Variants in TRDN observed in about 807,000 individuals in gnomAD.
The protein encoded by TRDN is triadin.
Under a neutral mutation model 149.7 loss-of-function variants are expected in TRDN, and 161 were observed. That is an observed-to-expected ratio of 1.08 (90% CI 0.95 to 1.23). The LOEUF (loss-of-function observed/expected upper bound fraction) is 1.23. TRDN is among the 50% of genes most tolerant of loss of function. TRDN has a pLI of 0.00. For missense variants in TRDN, 896 were observed against 823.5 expected (o/e 1.09, Z -1.08); for synonymous variants, 294 against 250.5 (o/e 1.17, Z -1.64).
At chr6:123,220,653 T>C (rs1396785316) in intron 40 of TRDN, among the ~76,000 whole-genome samples, 2 of 151,802 alleles carry the variant, frequency 1.3e-5, no homozygotes, top group East Asian at 3.9e-4. Flanking sequence ...ATCTGTCTAA[T>C]GAATCACCTA....
At chr6:123,627,512 G>C (rs1156351218) in intron 1 of TRDN, among the ~76,000 whole-genome samples, 2 of 152,092 alleles carry the variant, frequency 1.3e-5, no homozygotes, top group Non-Finnish European at 2.9e-5. Flanking sequence ...ATAGAGCACA[G>C]GCAAAGTAAA....
intron 5 of TRDN, chr6:123,529,225 A>G: frequency 6.5e-7 from 1 of 1,548,704 alleles, no homozygotes; most frequent in Non-Finnish European, 8.7e-7. Flanking sequence ...CCTTCAGCAG[A>G]TAGAAACACA....
At chr6:123,242,089 C>T (rs1230535745) in intron 38 of TRDN, among the ~76,000 whole-genome samples, 1 of 152,122 alleles carries the variant, frequency 6.6e-6, no homozygotes, top group Non-Finnish European at 1.5e-5. Context: ...AAATATCTTG[C>T]CAGGGCCATC....
intron 7 of TRDN, among the ~76,000 whole-genome samples, chr6:123,511,160 T>C (rs1168618557): frequency 6.6e-6 from 1 of 152,184 alleles, no homozygotes; most frequent in East Asian, 1.9e-4. Context: ...TTTTTGTATA[T>C]GGTGAGAGAT....
In TRDN at chr6:123,530,851, G is replaced by T. The variant is rs1780212055; in HGVS notation, c.425-286C>A. Reference sequence around the variant, plus strand: ...GTCACCATTTTCAGTGCTAAAATTGGTCACAAACTATAATTATTTTTATTT... The same window carrying T: ...GTCACCATTTTCAGTGCTAAAATTGTTCACAAACTATAATTATTTTTATTT... On this transcript the variant is annotated intron_variant, in intron 4 of 40. Coordinates refer to ENST00000334268, the MANE Select transcript of TRDN (RefSeq NM_006073.4). Among the ~76,000 whole-genome samples the T allele has an allele frequency of 2.0e-5, 3 of 151,904 alleles. No individual in the cohort carries two copies. The South Asian group carries it at 6.2e-4, about 31-fold the overall frequency.
At position 123,260,643 on chromosome 6, in the gene TRDN, A is replaced by AG. The variant is rs1454782859; in HGVS notation, c.1805-6dup. 1.1e-5 allele frequency: 14 copies of AG among 1,228,500 alleles called. No homozygotes were observed. The highest frequency in any genetic ancestry group is 3.0e-5 in the East Asian group (1 of 32,888). The allele number at this position is 1,228,500 out of a possible 1,614,324, so 76.1% of individuals were successfully genotyped here. A position where few individuals can be genotyped will look rare whatever the true frequency, so the allele number is the denominator to read the frequency against. ...CTGTGACTTCTGATGTTCCTTCTTTAGAAAAAAAAAAAAAAAGAATGTAGA... is the reference window on the plus strand; with the variant it reads ...CTGTGACTTCTGATGTTCCTTCTTTAGGAAAAAAAAAAAAAAAGAATGTAGA... On this transcript the variant is annotated splice_polypyrimidine_tract_variant and splice_region_variant and intron_variant, in intron 33 of 40. Transcript: ENST00000334268.
intron 24 of TRDN, among the ~76,000 whole-genome samples, chr6:123,314,091 A>G (rs1256916827): frequency 6.6e-6 from 1 of 152,050 alleles, no homozygotes; most frequent in Non-Finnish European, 1.5e-5. Flanking sequence ...ATTTTTGCAA[A>G]CTATGTGTCT....
chr6:123,228,227 CA>C (rs1775462143), intron 38 of TRDN, among the ~76,000 whole-genome samples: 1 of 151,846 alleles, frequency 6.6e-6, no homozygotes, highest in Non-Finnish European at 1.5e-5. Context: ...CAGAGAGATT[CA>C]ATGTCTCAGA....
At chr6:123,246,150 T>G (rs1776169048) in intron 38 of TRDN, among the ~76,000 whole-genome samples, 2 of 151,874 alleles carry the variant, frequency 1.3e-5, no homozygotes, top group Admixed American at 1.3e-4. Context: ...AATTCAAAAT[T>G]GACACACTAA....
chr6:123,277,949 T>A (rs1451367535), intron 26 of TRDN, among the ~76,000 whole-genome samples: 1 of 152,182 alleles, frequency 6.6e-6, no homozygotes, highest in Non-Finnish European at 1.5e-5. Context: ...CTGCCTACTG[T>A]AGCCTTCAGA....
At chr6:123,383,442 CAAT>C (rs1477815170) in intron 14 of TRDN, among the ~76,000 whole-genome samples, 1 of 151,816 alleles carries the variant, frequency 6.6e-6, no homozygotes, top group African/African-American at 2.4e-5. Flanking sequence ...AGAAAAAAAG[CAAT>C]ATTATCATAA....
At chr6:123,575,908 G>A (rs1306224160) in intron 1 of TRDN, among the ~76,000 whole-genome samples, 4 of 151,982 alleles carry the variant, frequency 2.6e-5, no homozygotes, top group Non-Finnish European at 5.9e-5. Flanking sequence ...TCTCTTTCAG[G>A]ATGCTCAAGG....
intron 7 of TRDN, chr6:123,509,965 C>T (rs896213220): frequency 6.6e-5 from 10 of 152,038 alleles, no homozygotes; most frequent in African/African-American, 2.4e-4. Context: ...CTAGAGGTCA[C>T]TTTCTTCATC....
At chr6:123,285,688 G>A (rs1777779432) in intron 24 of TRDN, among the ~76,000 whole-genome samples, 1 of 152,004 alleles carries the variant, frequency 6.6e-6, no homozygotes, top group South Asian at 2.1e-4. Flanking sequence ...TAAATCGGTG[G>A]GACTTAATTA....
At chr6:123,557,138 C>T (rs1781713750) in intron 2 of TRDN, among the ~76,000 whole-genome samples, 1 of 151,662 alleles carries the variant, frequency 6.6e-6, no homozygotes, top group Non-Finnish European at 1.5e-5. Flanking sequence ...ACGGCCGCAC[C>T]CCATCTCCCT....
At position 123,609,269 on chromosome 6, in the gene TRDN, A is replaced by G. The variant is rs146381956; in HGVS notation, c.22+27485T>C. ...AAATACAATATATCCATGCATATAT[A>G]TGTGGAGTAAAACTTATATTTACTG... On this transcript the variant is annotated intron_variant, in intron 1 of 40. Coordinates refer to ENST00000334268, the MANE Select transcript of TRDN (RefSeq NM_006073.4). 6.6e-5 allele frequency among the ~76,000 whole-genome samples: 10 copies of G among 152,308 alleles called. No individual in the cohort carries two copies. The East Asian group carries it at 1.7e-3, about 26-fold the overall frequency.
chr6:123,344,813 T>C (rs1780194815), intron 21 of TRDN, among the ~76,000 whole-genome samples: 1 of 152,032 alleles, frequency 6.6e-6, no homozygotes, highest in South Asian at 2.1e-4. Context: ...AATTGCTGGA[T>C]TGCATCGTGA....
chr6:123,272,338 A>C (rs995612847), intron 29 of TRDN, among the ~76,000 whole-genome samples: 4 of 152,010 alleles, frequency 2.6e-5, no homozygotes, highest in African/African-American at 9.7e-5. Flanking sequence ...GGGTAGCCTC[A>C]AAATTAAATT....
chr6:123,499,719 A>AAAAAAAAATATATATATATATAT, intron 8 of TRDN, among the ~76,000 whole-genome samples: 1 of 47,682 alleles, frequency 2.1e-5, no homozygotes, highest in African/African-American at 7.1e-5. Flanking sequence ...AAAAAAAAAA[A>AAAAAAAAATATATATATATATAT]ATATATATAT....
Sources: allele counts gnomAD v4.1 joint callset (sites outside exome capture counted in the v4.1 genomes callset), GRCh38; gene constraint gnomAD v4.1.1; transcripts MANE v1.5; gene names NCBI Gene and HGNC (gene_info 2026-07-23, HGNC 2026-07-21).